The following RGMA variants were observed in gnomAD, a reference collection of about 807,000 sequenced individuals.
RGMA encodes repulsive guidance molecule A.
Under a neutral mutation model 23.2 loss-of-function variants are expected in RGMA, and 10 were observed. That is an observed-to-expected ratio of 0.43 (90% CI 0.27 to 0.73). The LOEUF (loss-of-function observed/expected upper bound fraction) is 0.73, where lower values mean the gene tolerates loss of function less well. Ranked by LOEUF, RGMA falls within the 30% of genes least tolerant of loss-of-function variation. The pLI, the probability that RGMA is intolerant of heterozygous loss-of-function variation, is 0.20. For synonymous variants in RGMA, 308 were observed against 279.3 expected, an observed-to-expected ratio of 1.10 and a Z score of -1.03; for missense variants, 547 against 630.5, an observed-to-expected ratio of 0.87 and a Z score of 1.42.
At chr15:93,085,911 C>T (rs8036987) in intron 1 of RGMA, among the ~76,000 whole-genome samples, 16,648 of 152,166 alleles carry the variant, frequency 0.11, 998 homozygotes, top group African/African-American at 0.13. Flanking sequence ...TGACTTCTGC[C>T]TGGCCTTGTA....
At chr15:93,076,555 G>A (rs914505847) in intron 1 of RGMA, among the ~76,000 whole-genome samples, 1 of 152,158 alleles carries the variant, frequency 6.6e-6, no homozygotes, top group African/African-American at 2.4e-5. Context: ...AGAAAAATGA[G>A]TGCTAAAGGA....
chr15:93,075,832 C>T (rs777897135), intron 1 of RGMA, among the ~76,000 whole-genome samples: 1 of 152,046 alleles, frequency 6.6e-6, no homozygotes, highest in Non-Finnish European at 1.5e-5. Flanking sequence ...TTTTCCCCCC[C>T]TTTCTTGAGG....
intron 2 of RGMA, among the ~76,000 whole-genome samples, chr15:93,052,831 C>T (rs11858399): frequency 0.14 from 21,591 of 152,174 alleles, 1,639 homozygotes; most frequent in African/African-American, 0.16. Flanking sequence ...CCTGGGGCCG[C>T]TGACATCTAT....
chr15:93,051,885 C>G, intron 3 of RGMA, 108 bp downstream of exon 3: 1 of 1,198,736 alleles, frequency 8.3e-7, no homozygotes, highest in Non-Finnish European at 1.2e-6. Context: ...CGCTCCGCTC[C>G]GTCTTCCCCC....
At position 93,066,051 on chromosome 15, in the gene RGMA, G is replaced by A. The variant is rs1333273513; in HGVS notation, c.130+6865C>T. 5 of 1,512,598 alleles carry A rather than the reference G, an allele frequency of 3.3e-6. No homozygotes were observed. The Admixed American group carries it at 6.8e-5, about 20-fold the overall frequency. 93.7% of individuals were successfully genotyped at this position (1,512,598 alleles called of 1,614,324 possible). ...CCGCTGAAGGGATCTCTGCCACCAT[G>A]GGTGGTGGGGCAACTGAGGGAGGCC... is the stretch of plus-strand genomic sequence containing the variant. On this transcript the variant is annotated intron_variant, in intron 2 of 3. Coordinates refer to ENST00000329082, the MANE Select transcript of RGMA (RefSeq NM_020211.3).
intron 2 of RGMA, chr15:93,063,173 G>T (rs544363774): frequency 6.6e-6 from 1 of 152,230 alleles, no homozygotes. Flanking sequence ...CACTGCCAGC[G>T]CCTGTGGAGA....
At chr15:93,055,706 C>T (rs11632851) in intron 2 of RGMA, among the ~76,000 whole-genome samples, 30,443 of 152,196 alleles carry the variant, frequency 0.2, 3,457 homozygotes, top group Middle Eastern at 0.33. Flanking sequence ...GATCCACACA[C>T]GCTTTCTCCC....
At chr15:93,078,186 T>A (rs576397190) in intron 1 of RGMA, among the ~76,000 whole-genome samples, 2 of 152,256 alleles carry the variant, frequency 1.3e-5, no homozygotes, top group South Asian at 4.1e-4. Context: ...TGAGAAAAAT[T>A]CCTTATTTTG....
chr15:93,039,735 T>C lies in RGMA; in HGVS notation c.*5263A>G, dbSNP rs1021593271. 11 of 152,248 alleles carry C rather than the reference T, an allele frequency of 7.2e-5. No homozygotes were observed. The highest frequency in any genetic ancestry group is 1.6e-4 in the Non-Finnish European group (11 of 68,072). The allele number at this position is 152,248 out of a possible 1,614,324, so 9.4% of individuals were successfully genotyped here. ...GCAAAGGACATGAACTCATCCCTTT[T>C]TATGGCTGCATAGTACTCCATGGCG... On this transcript the variant is annotated 3_prime_UTR_variant, in exon 4 of 4. Transcript: ENST00000329082.
rs1050947143 is a variant in RGMA at position 93,045,976 on chromosome 15, A to G, written c.646-271T>C. Among the ~76,000 whole-genome samples, 4 of 152,238 alleles carry G rather than the reference A, an allele frequency of 2.6e-5. No individual in the cohort carries two copies. The highest frequency in any genetic ancestry group is 4.4e-5 in the Non-Finnish European group (3 of 68,044). On this transcript the variant is annotated intron_variant, in intron 3 of 3. Coordinates refer to ENST00000329082, the MANE Select transcript of RGMA (RefSeq NM_020211.3). The surrounding 1 kb of genome is among the most constrained non-coding windows in gnomAD (Gnocchi z 6.9). Reference sequence around the variant, plus strand: ...TAAGTAGAAAACTAGCTCTTTTACTATATAGGGAAGTGAACCAGAAAAATA... The same window carrying G: ...TAAGTAGAAAACTAGCTCTTTTACTGTATAGGGAAGTGAACCAGAAAAATA...
chr15:93,077,369 C>T (rs1895489244), intron 1 of RGMA, among the ~76,000 whole-genome samples: 1 of 152,150 alleles, frequency 6.6e-6, no homozygotes. Context: ...TTAAGGAGCT[C>T]CCTTAGGCGA....
chr15:93,073,476 G>A (rs1399612645), intron 1 of RGMA: 42 of 1,144,110 alleles, frequency 3.7e-5, no homozygotes, highest in Non-Finnish European at 4.3e-5. Flanking sequence ...CGCAGGGCAT[G>A]AGGCGGGGCA....
chr15:93,053,787 C>A (rs8025369), intron 2 of RGMA, among the ~76,000 whole-genome samples: 1 of 152,172 alleles, frequency 6.6e-6, no homozygotes, highest in Non-Finnish European at 1.5e-5. Context: ...TGAGCACGGG[C>A]GAGTCAGTGC....
chr15:93,074,769 C>T (rs1236328788), intron 1 of RGMA, among the ~76,000 whole-genome samples: 2 of 152,188 alleles, frequency 1.3e-5, no homozygotes, highest in Non-Finnish European at 1.5e-5. Flanking sequence ...CATCACCGAA[C>T]GGCAGCCCAT....
chr15:93,071,723 T>A (rs1895329526), intron 2 of RGMA, among the ~76,000 whole-genome samples: 1 of 152,246 alleles, frequency 6.6e-6, no homozygotes, highest in African/African-American at 2.4e-5. Flanking sequence ...TTTTGCCAGT[T>A]CCTTGAAACC....
chr15:93,080,395 GT>G (rs1184684528), intron 1 of RGMA, among the ~76,000 whole-genome samples: 1 of 152,040 alleles, frequency 6.6e-6, no homozygotes, highest in African/African-American at 2.4e-5. Context: ...TGGAGATGGG[GT>G]TTTTGGCACA....
At chr15:93,069,968 T>C (rs1169521794) in intron 2 of RGMA, among the ~76,000 whole-genome samples, 1 of 152,244 alleles carries the variant, frequency 6.6e-6, no homozygotes, top group Non-Finnish European at 1.5e-5. Flanking sequence ...ATTTGTGGAA[T>C]GCTCTTTTAA....
intron 2 of RGMA, 118 bp downstream of exon 2, chr15:93,072,798 G>A: frequency 1.8e-6 from 2 of 1,110,558 alleles, no homozygotes; most frequent in Non-Finnish European, 2.5e-6. Flanking sequence ...GGAAATAGGA[G>A]GCGGGGTCCG....
At chr15:93,084,661 C>T (rs1012535356) in intron 1 of RGMA, among the ~76,000 whole-genome samples, 2 of 151,972 alleles carry the variant, frequency 1.3e-5, no homozygotes, top group Admixed American at 6.6e-5. Context: ...CTAGTAGAGA[C>T]GGCGTTTCAC....
Sources: allele counts gnomAD v4.1 joint callset (sites outside exome capture counted in the v4.1 genomes callset), GRCh38; gene constraint gnomAD v4.1.1; non-coding constraint Gnocchi (gnomAD v3.1); transcripts MANE v1.5; gene names NCBI Gene and HGNC (gene_info 2026-07-23, HGNC 2026-07-21).